The following FOXN3 variants were observed in gnomAD, a reference collection of about 807,000 sequenced individuals.
FOXN3 encodes forkhead box N3.
FOXN3 carries 7 observed loss-of-function variants against 38.4 expected under a neutral mutation model. That is an observed-to-expected ratio of 0.18 (90% CI 0.10 to 0.34). The LOEUF (loss-of-function observed/expected upper bound fraction) is 0.34. Among genes scored for constraint, FOXN3 ranks in the 10% least tolerant of loss-of-function variants. The probability of loss-of-function intolerance (pLI) is 1.00; values close to 1 mark genes in which losing one functional copy is unlikely to be tolerated. For synonymous variants in FOXN3, 230 were observed against 242.2 expected (o/e 0.95, Z 0.47); for missense variants, 456 against 613.4 (o/e 0.74, Z 2.71).
chr14:89,397,203 A>G (rs1241326335), intron 2 of FOXN3, among the ~76,000 whole-genome samples: 1 of 152,084 alleles, frequency 6.6e-6, no homozygotes, highest in Non-Finnish European at 1.5e-5. Context: ...CAAATACCAC[A>G]TGTTCTCACT....
chr14:89,283,420 A>AT, intron 3 of FOXN3, among the ~76,000 whole-genome samples: 1 of 152,170 alleles, frequency 6.6e-6, no homozygotes, highest in African/African-American at 2.4e-5. Context: ...AACAAGCTTG[A>AT]TTTTTTCCCC....
At chr14:89,508,071 C>T (rs551114369) in intron 1 of FOXN3, among the ~76,000 whole-genome samples, 58 of 152,226 alleles carry the variant, frequency 3.8e-4, no homozygotes, top group Admixed American at 3.2e-3. Flanking sequence ...GAGGGTGGGC[C>T]GACTATATGA....
intron 3 of FOXN3, chr14:89,284,443 A>G (rs1443780868): frequency 8.8e-6 from 4 of 455,942 alleles, no homozygotes; most frequent in African/African-American, 2.0e-5. Context: ...AGACACACGC[A>G]TCAACAGCTC....
intron 4 of FOXN3, among the ~76,000 whole-genome samples, chr14:89,191,959 T>TTA (rs1887957699): frequency 1.4e-5 from 1 of 72,492 alleles, no homozygotes; most frequent in African/African-American, 9.2e-5. Flanking sequence ...TATATATATA[T>TTA]ATACACATAT....
chr14:89,243,178 G>C (rs1338483772), intron 4 of FOXN3, among the ~76,000 whole-genome samples: 2 of 152,078 alleles, frequency 1.3e-5, no homozygotes, highest in Non-Finnish European at 2.9e-5. Flanking sequence ...TTAGGAAGTA[G>C]GTAGGTATAT....
intron 1 of FOXN3, among the ~76,000 whole-genome samples, chr14:89,478,932 A>G (rs1204195300): frequency 2.1e-4 from 4 of 18,802 alleles, no homozygotes; most frequent in Non-Finnish European, 5.5e-4. Context: ...ACTCCATCTC[A>G]AAAAAAAAAA....
intron 4 of FOXN3, among the ~76,000 whole-genome samples, chr14:89,268,045 T>G (rs1455557321): frequency 6.6e-6 from 1 of 152,104 alleles, no homozygotes; most frequent in Admixed American, 6.6e-5. Flanking sequence ...ACACACATGC[T>G]CATCACACTT....
chr14:89,288,536 T>A (rs1408100681), intron 3 of FOXN3, among the ~76,000 whole-genome samples: 1 of 46,246 alleles, frequency 2.2e-5, no homozygotes, highest in East Asian at 1.5e-3. Context: ...ATGTTTACTA[T>A]CAACATTATA....
intron 1 of FOXN3, among the ~76,000 whole-genome samples, chr14:89,528,937 G>A (rs964002879): frequency 2.0e-5 from 3 of 152,106 alleles, no homozygotes; most frequent in African/African-American, 4.8e-5. Flanking sequence ...TCATTACCTT[G>A]ATTGTTAGGA....
intron 1 of FOXN3, among the ~76,000 whole-genome samples, chr14:89,554,806 T>C (rs1257993171): frequency 1.3e-5 from 1 of 78,420 alleles, no homozygotes; most frequent in African/African-American, 3.1e-5. Context: ...TTTTTTTTTT[T>C]GAGACGGAGT....
intron 1 of FOXN3, among the ~76,000 whole-genome samples, chr14:89,612,082 C>A (rs568222789): frequency 3.3e-5 from 5 of 152,130 alleles, no homozygotes; most frequent in South Asian, 4.2e-4. Context: ...GATTTGGAGT[C>A]AGGGGACTTG....
intron 4 of FOXN3, among the ~76,000 whole-genome samples, chr14:89,243,177 A>T (rs894875643): frequency 2.0e-5 from 3 of 152,204 alleles, no homozygotes; most frequent in Non-Finnish European, 2.9e-5. Context: ...GTTAGGAAGT[A>T]GGTAGGTATA....
At chr14:89,434,193 G>T (rs1483162338) in intron 1 of FOXN3, among the ~76,000 whole-genome samples, 4 of 148,712 alleles carry the variant, frequency 2.7e-5, no homozygotes, top group Non-Finnish European at 5.9e-5. Context: ...AAAGTGCTGG[G>T]ATTACAGACG....
At chr14:89,588,884 G>T (rs1386829345) in intron 1 of FOXN3, among the ~76,000 whole-genome samples, 1 of 152,146 alleles carries the variant, frequency 6.6e-6, no homozygotes, top group Non-Finnish European at 1.5e-5. Flanking sequence ...AGACAACTGG[G>T]CCATCTAGTT....
chr14:89,186,221 A>T (rs1428751594), intron 4 of FOXN3, among the ~76,000 whole-genome samples: 1 of 152,042 alleles, frequency 6.6e-6, no homozygotes, highest in African/African-American at 2.4e-5. Flanking sequence ...CCTATTTCCT[A>T]GTTGTCTTCC....
intron 1 of FOXN3, among the ~76,000 whole-genome samples, chr14:89,473,910 T>C (rs1893159109): frequency 6.6e-6 from 1 of 152,220 alleles, no homozygotes; most frequent in Non-Finnish European, 1.5e-5. Context: ...GGACAAAATT[T>C]GTAGTATTCT....
intron 4 of FOXN3, among the ~76,000 whole-genome samples, chr14:89,258,534 T>C (rs539437904): frequency 8.5e-5 from 13 of 152,322 alleles, no homozygotes; most frequent in African/African-American, 2.9e-4. Context: ...GGTTAATAAA[T>C]AGTAGTCATT....
intron 1 of FOXN3, among the ~76,000 whole-genome samples, chr14:89,440,174 C>G (rs1375033024): frequency 1.3e-5 from 2 of 152,102 alleles, no homozygotes; most frequent in Admixed American, 6.6e-5. Context: ...TGGCACTACT[C>G]CCACCAGTGC....
chr14:89,203,807 C>T (rs7147594), intron 4 of FOXN3, among the ~76,000 whole-genome samples: 7 of 151,980 alleles, frequency 4.6e-5, no homozygotes, highest in South Asian at 2.1e-4. Flanking sequence ...GCCAGTCTGA[C>T]GGTCCTCATC....
Sources: gnomAD v4.1 joint callset for allele counts (sites outside exome capture counted in the v4.1 genomes callset) on GRCh38, gnomAD v4.1.1 for gene constraint, MANE v1.5 for transcripts, NCBI Gene and HGNC (gene_info 2026-07-23, HGNC 2026-07-21) for gene names.